CNTNAP5: variants seen among roughly 807,000 people sequenced by gnomAD.
CNTNAP5 encodes contactin associated protein family member 5, also known as contactin-associated protein-like 5.
Under a neutral mutation model 150.2 loss-of-function variants are expected in CNTNAP5, and 72 were observed. The observed-to-expected ratio is 0.48, with a 90% CI of 0.40 to 0.58. The LOEUF is 0.58. CNTNAP5 is among the 20% of genes least tolerant of loss of function. The pLI, the probability that CNTNAP5 is intolerant of heterozygous loss-of-function variation, is 0.00. For synonymous variants in CNTNAP5, 672 were observed against 619.8 expected (o/e 1.08, Z -1.25); for missense variants, 1,636 against 1,626.2 (o/e 1.01, Z -0.10).
At chr2:124,471,545 T>A (rs138029961) in intron 6 of CNTNAP5, among the ~76,000 whole-genome samples, 2 of 152,200 alleles carry the variant, frequency 1.3e-5, no homozygotes, top group African/African-American at 4.8e-5. Flanking sequence ...TCCTACCTGA[T>A]TACCTTTTAT....
At chr2:124,340,809 G>GTATATA (rs138288829) in intron 3 of CNTNAP5, among the ~76,000 whole-genome samples, 4,717 of 142,898 alleles carry the variant, frequency 0.033, 129 homozygotes, top group Non-Finnish European at 0.044. Flanking sequence ...ATGTATACAT[G>GTATATA]TATATATATA....
At chr2:124,756,343 T>G (rs1196415380) in intron 14 of CNTNAP5, among the ~76,000 whole-genome samples, 1 of 152,176 alleles carries the variant, frequency 6.6e-6, no homozygotes, top group Non-Finnish European at 1.5e-5. Flanking sequence ...CAATCATTTT[T>G]GAACACAGTG....
chr2:124,542,040 T>C (rs1695398603), intron 10 of CNTNAP5, among the ~76,000 whole-genome samples: 1 of 151,990 alleles, frequency 6.6e-6, no homozygotes, highest in African/African-American at 2.4e-5. Flanking sequence ...AGGGTTTGCC[T>C]CATATATCTC....
intron 3 of CNTNAP5, among the ~76,000 whole-genome samples, chr2:124,373,299 G>A (rs1019177277): frequency 2.6e-5 from 4 of 152,108 alleles, no homozygotes; most frequent in African/African-American, 4.8e-5. Flanking sequence ...ACTCAGGAAA[G>A]CACTGATTCT....
intron 3 of CNTNAP5, among the ~76,000 whole-genome samples, chr2:124,386,814 T>G (rs11680613): frequency 6.6e-6 from 1 of 152,004 alleles, no homozygotes; most frequent in African/African-American, 2.4e-5. Flanking sequence ...AGTGGATGTT[T>G]GTGTCCCCCC....
intron 3 of CNTNAP5, among the ~76,000 whole-genome samples, chr2:124,255,574 TAAAA>T (rs1558821599): frequency 2.1e-5 from 1 of 47,444 alleles, no homozygotes; most frequent in African/African-American, 7.1e-5. Context: ...TAAAATAAAA[TAAAA>T]TAAAATAATA....
At chr2:124,670,777 C>T (rs187755690) in intron 13 of CNTNAP5, among the ~76,000 whole-genome samples, 123 of 152,254 alleles carry the variant, frequency 8.1e-4, no homozygotes, top group African/African-American at 2.7e-3. Context: ...TTCAAAATTC[C>T]GTATAAATAG....
intron 22 of CNTNAP5, among the ~76,000 whole-genome samples, chr2:124,904,148 C>T (rs1403693251): frequency 6.6e-6 from 1 of 151,710 alleles, no homozygotes; most frequent in Non-Finnish European, 1.5e-5. Context: ...CCTGCACACA[C>T]CAGCTCCTGA....
At chr2:124,866,030 G>A (rs1329654539) in intron 20 of CNTNAP5, among the ~76,000 whole-genome samples, 4 of 151,880 alleles carry the variant, frequency 2.6e-5, no homozygotes, top group African/African-American at 9.7e-5. Context: ...TTGGGAGGCT[G>A]AGGCAGGTGG....
At chr2:124,346,011 G>C (rs1689729359) in intron 3 of CNTNAP5, among the ~76,000 whole-genome samples, 1 of 152,162 alleles carries the variant, frequency 6.6e-6, no homozygotes, top group South Asian at 2.1e-4. Flanking sequence ...GGCAAGACCA[G>C]TGAGGTGAGA....
At position 124,504,580 on chromosome 2, in the gene CNTNAP5, T is replaced by TC. The variant is rs1456805234; in HGVS notation, c.1327+25dup. On this transcript the variant is annotated intron_variant, in intron 8 of 23. Transcript: ENST00000682447. ...AGGTACTGTCTGCTGACACTCTGGA[T>TC]CAGCTTCTTGTTTATCCAAGTCGAC... 5.0e-6 allele frequency: 8 copies of TC among 1,609,170 alleles called. No individual in the cohort carries two copies. In the African/African-American group the frequency reaches 1.1e-4, roughly 22 times the overall value.
intron 2 of CNTNAP5, among the ~76,000 whole-genome samples, chr2:124,226,418 A>G (rs1445014152): frequency 1.3e-5 from 2 of 152,022 alleles, no homozygotes. Flanking sequence ...AAAAACGTCA[A>G]TTTAGTCTTT....
intron 11 of CNTNAP5, among the ~76,000 whole-genome samples, chr2:124,577,039 A>T (rs1696298226): frequency 1.3e-5 from 2 of 152,198 alleles, no homozygotes; most frequent in South Asian, 4.1e-4. Context: ...CGGACTGATA[A>T]ATACCTCCTG....
rs1322205966 is a variant in CNTNAP5, at chr2:124,430,918, ATGT to A, written c.530-3560_530-3558del. On this transcript the variant is annotated intron_variant, in intron 4 of 23. Transcript: ENST00000682447. Reference sequence around the variant, plus strand: ...ATAAATAAGGAAATGTGGGGATAAAATGTTGTTGAATGCCTTTGTATTTTCAGG... The same window carrying A: ...ATAAATAAGGAAATGTGGGGATAAAATGTTGAATGCCTTTGTATTTTCAGG... Among the ~76,000 whole-genome samples the A allele has an allele frequency of 7.9e-5, 12 of 152,268 alleles. No individual in the cohort carries two copies. In the East Asian group the frequency reaches 2.1e-3, roughly 27 times the overall value.
At chr2:124,332,459 C>T (rs1689373174) in intron 3 of CNTNAP5, among the ~76,000 whole-genome samples, 1 of 151,236 alleles carries the variant, frequency 6.6e-6, no homozygotes. Context: ...CATAGAATAA[C>T]ATTTCAATGT....
At chr2:124,811,402 A>G (rs1243288576) in intron 19 of CNTNAP5, among the ~76,000 whole-genome samples, 1 of 152,172 alleles carries the variant, frequency 6.6e-6, no homozygotes, top group East Asian at 1.9e-4. Context: ...ACTTCGATAA[A>G]AAATTGAATG....
At chr2:124,309,505 C>T (rs1039710891) in intron 3 of CNTNAP5, among the ~76,000 whole-genome samples, 2 of 152,176 alleles carry the variant, frequency 1.3e-5, no homozygotes, top group Non-Finnish European at 2.9e-5. Context: ...TCTCTATTTT[C>T]ATATTTGATC....
intron 6 of CNTNAP5, among the ~76,000 whole-genome samples, chr2:124,447,766 G>A (rs1394696905): frequency 1.3e-5 from 2 of 152,208 alleles, no homozygotes; most frequent in Admixed American, 6.5e-5. Flanking sequence ...TCTAGCAGGA[G>A]ATGCTGCTAA....
intron 13 of CNTNAP5, among the ~76,000 whole-genome samples, chr2:124,668,964 C>A (rs763850075): frequency 4.6e-5 from 7 of 152,206 alleles, no homozygotes; most frequent in Non-Finnish European, 8.8e-5. Context: ...CCTCTTCCCA[C>A]TTCCAGAGGT....
Sources: allele counts gnomAD v4.1 joint callset (sites outside exome capture counted in the v4.1 genomes callset), GRCh38; gene constraint gnomAD v4.1.1; transcripts MANE v1.5; gene names NCBI Gene and HGNC (gene_info 2026-07-23, HGNC 2026-07-21).